Variants in EPHA6 observed in about 807,000 individuals in gnomAD.
EPHA6 encodes the protein EPH receptor A6, also known as ephrin type-A receptor 6.
EPHA6 carries 50 observed loss-of-function variants against 112.0 expected under a neutral mutation model. The observed-to-expected ratio is 0.45, with a 90% confidence interval of 0.36 to 0.56. The LOEUF is 0.56. EPHA6 is among the 20% of genes least tolerant of loss of function. The pLI, the probability that EPHA6 is intolerant of heterozygous loss-of-function variation, is 0.00. For synonymous variants in EPHA6, 529 were observed against 490.7 expected (o/e 1.08, Z -1.03); for missense variants, 1,280 against 1,417.4 (o/e 0.90, Z 1.56).
intron 14 of EPHA6, among the ~76,000 whole-genome samples, chr3:97,714,193 A>G (rs1226001656): frequency 6.6e-6 from 1 of 152,234 alleles, no homozygotes. Flanking sequence ...GTCCAAAAAA[A>G]GACAAACTTT....
In EPHA6 at chr3:96,814,888, A is replaced by G; in HGVS notation, c.265A>G (p.Arg89Gly). 1 of 1,554,786 alleles carries G rather than the reference A, an allele frequency of 6.4e-7. No individual in the cohort carries two copies. The highest frequency in any genetic ancestry group is 8.7e-7 in the Non-Finnish European group (1 of 1,148,488). The change falls in exon 1 of 18, where the codon AGA (arginine) becomes GGA (glycine). Residue 89 changes from arginine to glycine, a missense_variant. Around this residue, in one of 4 missense-constraint regions of EPHA6, gnomAD observed 220 missense variants for 171.5 expected, o/e 1.28. Coordinates refer to ENST00000389672, the MANE Select transcript of EPHA6 (RefSeq NM_001080448.3). ...CCACTTCTCTTTAAGGGAGAGGAAA[A>G]GAGAGCCTAGGAGAACCATGGGGGG... Reference protein sequence around the residue: ...CRHFSLRERKREPRRTMGGCE... With the variant: ...CRHFSLRERKGEPRRTMGGCE...
intron 14 of EPHA6, among the ~76,000 whole-genome samples, chr3:97,639,075 T>C (rs1302393069): frequency 6.6e-6 from 1 of 152,086 alleles, no homozygotes; most frequent in Non-Finnish European, 1.5e-5. Context: ...ATATTTGCTT[T>C]GTAGAAATGT....
intron 4 of EPHA6, among the ~76,000 whole-genome samples, chr3:97,242,070 T>G (rs532600798): frequency 6.6e-6 from 1 of 151,860 alleles, no homozygotes; most frequent in African/African-American, 2.4e-5. Context: ...TAGACGTTTC[T>G]GTAAACCCTA....
At chr3:97,663,481 C>T (rs2094183602) in intron 14 of EPHA6, among the ~76,000 whole-genome samples, 4 of 140,768 alleles carry the variant, frequency 2.8e-5, no homozygotes, top group South Asian at 4.8e-4. Flanking sequence ...CTATCGCTCC[C>T]CCCTCCCCCC....
chr3:97,297,192 A>G (rs1259639295), intron 5 of EPHA6, among the ~76,000 whole-genome samples: 5 of 152,102 alleles, frequency 3.3e-5, no homozygotes, highest in Non-Finnish European at 7.4e-5. Context: ...TCACCATTTC[A>G]CACACCGGGG....
intron 11 of EPHA6, among the ~76,000 whole-genome samples, chr3:97,554,251 T>C (rs1057419378): frequency 1.3e-5 from 2 of 152,132 alleles, no homozygotes; most frequent in Non-Finnish European, 2.9e-5. Flanking sequence ...AAAGGTAAAA[T>C]CTGATTATCC....
chr3:96,951,804 C>T (rs748171297), intron 2 of EPHA6, among the ~76,000 whole-genome samples: 5 of 152,058 alleles, frequency 3.3e-5, no homozygotes, highest in African/African-American at 1.2e-4. Context: ...GAGGACAATA[C>T]ACTATAGAGT....
Position 97,592,637 on chromosome 3 carries a change from G to A in EPHA6, c.2412G>A (p.Glu804=), listed in dbSNP as rs184443809. ...GATCCTTCCCGGCCATTGGGGTGGAGGCGTTTTGCCCCAGCTTCCTGAGGG... is the reference window on the plus strand; with the variant it reads ...GATCCTTCCCGGCCATTGGGGTGGAAGCGTTTTGCCCCAGCTTCCTGAGGG... ...TKRSFPAIGV[E]AFCPSFLRAG... is the part of the protein sequence containing the mutation. The change falls in exon 12 of 18, where the codon GAG becomes GAA. Residue 804 remains glutamate (E), a synonymous_variant. Coordinates refer to ENST00000389672, the MANE Select transcript of EPHA6 (RefSeq NM_001080448.3). 2 of 1,613,512 alleles carry A rather than the reference G, an allele frequency of 1.2e-6. No homozygotes were observed. Among genetic ancestry groups the A allele is most frequent in the East Asian group, 2.2e-5 (1 of 44,826 alleles).
chr3:97,321,490 A>G (rs771834231), intron 5 of EPHA6, among the ~76,000 whole-genome samples: 1 of 152,026 alleles, frequency 6.6e-6, no homozygotes, highest in South Asian at 2.1e-4. Context: ...ATGTAATTTT[A>G]TCATTTAAAT....
intron 5 of EPHA6, among the ~76,000 whole-genome samples, chr3:97,336,609 C>A (rs889037639): frequency 9.9e-5 from 15 of 152,262 alleles, no homozygotes; most frequent in Non-Finnish European, 2.1e-4. Context: ...AAGACAAGTG[C>A]AGTCTCTCTG....
At chr3:97,616,441 C>T (rs751053443) in intron 13 of EPHA6, among the ~76,000 whole-genome samples, 13 of 152,050 alleles carry the variant, frequency 8.5e-5, no homozygotes, top group Non-Finnish European at 1.0e-4. Flanking sequence ...ATGGCTGAGA[C>T]GACAGAAGTA....
intron 2 of EPHA6, among the ~76,000 whole-genome samples, chr3:96,870,773 C>G (rs1293423029): frequency 1.3e-5 from 2 of 151,854 alleles, no homozygotes. Flanking sequence ...TAATCGGAGC[C>G]CATCATTTCC....
At chr3:97,054,156 A>G (rs2045775511) in intron 3 of EPHA6, among the ~76,000 whole-genome samples, 1 of 141,192 alleles carries the variant, frequency 7.1e-6, no homozygotes, top group Admixed American at 7.4e-5. Flanking sequence ...TTCTGACATA[A>G]CTATCTAACA....
rs1293666124 is a variant in EPHA6, at chr3:97,168,224, T to A, written c.1115-58040T>A. Among the ~76,000 whole-genome samples, 7 of 152,310 alleles carry A rather than the reference T, an allele frequency of 4.6e-5. No individual in the cohort carries two copies. The East Asian group carries it at 1.4e-3, about 29-fold the overall frequency. ...GTGACTGAAAATGTTATTTGTAAAT[T>A]CTGACACCTGCTTTTTCATTCTCAA... On this transcript the variant is annotated intron_variant, in intron 3 of 17. Coordinates refer to ENST00000389672, the MANE Select transcript of EPHA6 (RefSeq NM_001080448.3).
intron 12 of EPHA6, among the ~76,000 whole-genome samples, chr3:97,597,932 T>C (rs916464607): frequency 2.0e-5 from 3 of 152,124 alleles, no homozygotes; most frequent in East Asian, 1.9e-4. Context: ...TGCAAATATA[T>C]AAGACTAGGT....
At chr3:97,263,036 A>AGCTATAAAT (rs1443085982) in intron 5 of EPHA6, among the ~76,000 whole-genome samples, 1 of 152,254 alleles carries the variant, frequency 6.6e-6, no homozygotes, top group Non-Finnish European at 1.5e-5. Context: ...TAGTAAAACT[A>AGCTATAAAT]GCTATAAATG....
chr3:97,466,401 G>T (rs1483637852), intron 7 of EPHA6: 1 of 1,608,458 alleles, frequency 6.2e-7, no homozygotes, highest in Non-Finnish European at 8.5e-7. Flanking sequence ...TTTTCTCTTG[G>T]TTCATTATAT....
At chr3:97,114,180 G>A (rs1359568548) in intron 3 of EPHA6, among the ~76,000 whole-genome samples, 1 of 152,090 alleles carries the variant, frequency 6.6e-6, no homozygotes, top group Admixed American at 6.6e-5. Flanking sequence ...TTCCAATCAT[G>A]CCGTTTTAAA....
intron 14 of EPHA6, among the ~76,000 whole-genome samples, chr3:97,688,993 A>C (rs2032462559): frequency 6.6e-6 from 1 of 152,204 alleles, no homozygotes; most frequent in Admixed American, 6.5e-5. Context: ...TGCTCAATAT[A>C]GTTTTACCTT....
Sources: allele counts gnomAD v4.1 joint callset (sites outside exome capture counted in the v4.1 genomes callset), GRCh38; gene constraint gnomAD v4.1.1; regional missense constraint gnomAD v4.1.1; transcripts MANE v1.5; gene names NCBI Gene and HGNC (gene_info 2026-07-23, HGNC 2026-07-21).